RP1: variants seen among roughly 807,000 people sequenced by gnomAD.
RP1 encodes the protein RP1 axonemal microtubule associated.
A neutral mutation model predicts 14.8 loss-of-function variants in RP1; 16 were observed. The observed-to-expected ratio is 1.08, with a 90% confidence interval of 0.73 to 1.65. The LOEUF (loss-of-function observed/expected upper bound fraction) is 1.65. Among genes scored for constraint, RP1 ranks in the 40% most tolerant of loss-of-function variants. The pLI, the probability that RP1 is intolerant of heterozygous loss-of-function variation, is 0.00. For missense variants in RP1, 2,631 were observed against 2,535.0 expected (o/e 1.04, Z -0.81); for synonymous variants, 876 against 883.6 (o/e 0.99, Z 0.15).
chr8:54,668,328 G>A (rs1183096039), intron 7 of RP1, among the ~76,000 whole-genome samples: 1 of 152,110 alleles, frequency 6.6e-6, no homozygotes, highest in Non-Finnish European at 1.5e-5. Flanking sequence ...GGGATGTGAA[G>A]GACCTCTTCA....
chr8:54,792,539 G>A (rs537639041), intron 24 of RP1, among the ~76,000 whole-genome samples: 5 of 151,736 alleles, frequency 3.3e-5, no homozygotes, highest in African/African-American at 9.7e-5. Context: ...GAAACTCAAC[G>A]TAAATGACAG....
intron 24 of RP1, among the ~76,000 whole-genome samples, chr8:54,789,730 A>G (rs976318782): frequency 1.3e-5 from 2 of 152,206 alleles, no homozygotes; most frequent in Non-Finnish European, 2.9e-5. Flanking sequence ...AGTGCAGCCT[A>G]TAACCCCATC....
intron 24 of RP1, among the ~76,000 whole-genome samples, chr8:54,800,721 G>A (rs889291986): frequency 3.3e-5 from 5 of 151,986 alleles, no homozygotes; most frequent in South Asian, 2.1e-4. Flanking sequence ...GCTTCCAATT[G>A]TTTTACTGAA....
chr8:54,622,839 G>A (rs1195490988), intron 3 of RP1, among the ~76,000 whole-genome samples: 2 of 152,296 alleles, frequency 1.3e-5, no homozygotes, highest in South Asian at 2.1e-4. Context: ...AATTCTGTAG[G>A]ATCTGCTGTG....
chr8:54,741,824 T>C (rs1381438614), intron 19 of RP1, among the ~76,000 whole-genome samples: 1 of 148,594 alleles, frequency 6.7e-6, no homozygotes, highest in Non-Finnish European at 1.5e-5. Flanking sequence ...GGTTTTTTTA[T>C]TTTTTCATTT....
At chr8:54,796,764 G>A (rs964327225) in intron 24 of RP1, among the ~76,000 whole-genome samples, 6 of 152,124 alleles carry the variant, frequency 3.9e-5, no homozygotes, top group African/African-American at 1.4e-4. Flanking sequence ...AATGGTGAGA[G>A]AATAAGTATC....
chr8:54,802,144 C>T (rs1810728535), intron 24 of RP1, among the ~76,000 whole-genome samples: 1 of 152,120 alleles, frequency 6.6e-6, no homozygotes, highest in East Asian at 1.9e-4. Flanking sequence ...GTCCACTGTT[C>T]TCCATTTTCT....
chr8:54,717,737 G>T (rs1381283487), intron 15 of RP1, among the ~76,000 whole-genome samples: 1 of 152,092 alleles, frequency 6.6e-6, no homozygotes, highest in African/African-American at 2.4e-5. Flanking sequence ...GGAAGTCTTA[G>T]CTAATCAATA....
chr8:54,717,462 G>C (rs778371049), intron 15 of RP1, among the ~76,000 whole-genome samples: 25 of 152,124 alleles, frequency 1.6e-4, no homozygotes, highest in Non-Finnish European at 2.9e-4. Flanking sequence ...TAAAATCTGG[G>C]AAGTAATGAC....
At chr8:54,778,900 AT>A (rs555780615) in intron 23 of RP1, among the ~76,000 whole-genome samples, 136 of 152,072 alleles carry the variant, frequency 8.9e-4, no homozygotes, top group Non-Finnish European at 1.6e-3. Flanking sequence ...AGGCATACCA[AT>A]CTATATGTAA....
intron 24 of RP1, among the ~76,000 whole-genome samples, chr8:54,837,292 T>C (rs1169969669): frequency 6.6e-6 from 1 of 152,218 alleles, no homozygotes; most frequent in African/African-American, 2.4e-5. Context: ...CTTCACCATA[T>C]AGAACAGCAT....
intron 24 of RP1, among the ~76,000 whole-genome samples, chr8:54,818,913 G>A (rs1438988197): frequency 3.3e-5 from 5 of 152,070 alleles, no homozygotes; most frequent in Non-Finnish European, 4.4e-5. Flanking sequence ...TTAAGTAGGG[G>A]CAGAAAAGAG....
chr8:54,786,622 C>A (rs1462456581), intron 24 of RP1, among the ~76,000 whole-genome samples: 1 of 151,964 alleles, frequency 6.6e-6, no homozygotes, highest in Non-Finnish European at 1.5e-5. Context: ...TTGTTATAAT[C>A]CTTTGATTAA....
intron 12 of RP1, among the ~76,000 whole-genome samples, chr8:54,683,765 C>T (rs1432039424): frequency 1.3e-5 from 2 of 152,202 alleles, no homozygotes; most frequent in Non-Finnish European, 2.9e-5. Flanking sequence ...TTGGCTTCCT[C>T]TCTTCCTATT....
At chr8:54,631,792 G>A (rs917443981), downstream of RP1, among the ~76,000 whole-genome samples, 1 of 151,872 alleles carries the variant, frequency 6.6e-6, no homozygotes, top group Non-Finnish European at 1.5e-5. Flanking sequence ...ACGCCACTGC[G>A]CTGGGCATCC....
chr8:54,723,300 T>A (rs1257728965), intron 16 of RP1, among the ~76,000 whole-genome samples: 3 of 152,242 alleles, frequency 2.0e-5, no homozygotes, highest in Non-Finnish European at 4.4e-5. Context: ...GCATTTTTTT[T>A]ATCACTTAAA....
In RP1 at chr8:54,706,549, A is replaced by C. The variant is rs1373381493; in HGVS notation, c.2105A>C (p.Lys702Thr). 3 of 1,535,880 alleles carry C rather than the reference A, an allele frequency of 2.0e-6. No homozygotes were observed. The African/African-American group carries it at 4.1e-5, about 21-fold the overall frequency. Residue 702 changes from lysine (K) to threonine (T), a missense_variant, in exon 15 of 23, where the codon AAA becomes ACA. Physicochemically the swap from Lys to Thr is moderately conservative, Grantham distance 78. Coordinates refer to the RP1 transcript ENST00000636932. The stretch of plus-strand genomic sequence containing the variant: ...ACTGGAGTGGGAAGCCAGTCTGAAA[A>C]ATCCTACTGGAAAGTGCATAAAATC...
At chr8:54,866,617 T>C (rs1812465308) in intron 28 of RP1, among the ~76,000 whole-genome samples, 1 of 152,190 alleles carries the variant, frequency 6.6e-6, no homozygotes, top group Non-Finnish European at 1.5e-5. Flanking sequence ...TATTAACCAA[T>C]CTACAGAATA....
rs1475880003 is a variant in RP1 at position 54,626,708 on chromosome 8, G to A, written c.2826G>A (p.Thr942=). 13 of 1,613,792 alleles carry A rather than the reference G, an allele frequency of 8.1e-6. No individual in the cohort carries two copies. The highest frequency in any genetic ancestry group is 2.7e-5 in the African/African-American group (2 of 74,902). The change falls in exon 4 of 4, where the codon ACG becomes ACA. Residue 942 remains threonine, a synonymous_variant. Transcript: ENST00000220676. ...CAGCTCCAGTATGTAGAAATGAAAC[G>A]AGTGTGGTAAATTGTAGCAATAATA... ...IKSAPVCRNE[T]SVVNCSNNSF... is the part of the protein sequence containing the mutation.
Sources: allele counts gnomAD v4.1 joint callset (sites outside exome capture counted in the v4.1 genomes callset), GRCh38; gene constraint gnomAD v4.1.1; transcripts MANE v1.5; gene names NCBI Gene and HGNC (gene_info 2026-07-23, HGNC 2026-07-21).